The following IGF1R variants were observed in gnomAD, a reference collection of about 807,000 sequenced individuals.
The protein encoded by IGF1R is insulin-like growth factor 1 receptor.
IGF1R carries 44 observed loss-of-function variants against 144.6 expected under a neutral mutation model. The ratio of observed to expected loss-of-function variants is 0.30; its 90% confidence interval spans 0.24 to 0.39. The LOEUF is 0.39. IGF1R is among the 10% of genes least tolerant of loss of function. The pLI is 1.00. For synonymous variants in IGF1R, 795 were observed against 722.8 expected (o/e 1.10, Z -1.60); for missense variants, 1,355 against 1,833.7 (o/e 0.74, Z 4.77).
At chr15:98,722,677 G>A (rs968791743) in intron 2 of IGF1R, among the ~76,000 whole-genome samples, 2 of 152,194 alleles carry the variant, frequency 1.3e-5, no homozygotes, top group Admixed American at 1.3e-4. Flanking sequence ...TCTGATGGAT[G>A]AGGTAGGAGT....
intron 19 of IGF1R, among the ~76,000 whole-genome samples, chr15:98,946,838 G>T (rs1309676928): frequency 6.6e-6 from 1 of 152,266 alleles, no homozygotes; most frequent in African/African-American, 2.4e-5. Flanking sequence ...GGCACGTGGG[G>T]CAAGAGGAGA....
At position 98,720,887 on chromosome 15, in the gene IGF1R, C is replaced by A. The variant is rs75650666; in HGVS notation, c.640+12780C>A. 4.4e-3 allele frequency among the ~76,000 whole-genome samples: 674 copies of A among 152,258 alleles called. 5 individuals carry two copies. The highest frequency in any genetic ancestry group is 0.014 in the African/African-American group (577 of 41,554). On this transcript the variant is annotated intron_variant, in intron 2 of 20. Transcript: ENST00000650285. The stretch of plus-strand genomic sequence containing the variant: ...TCCCTCATCCAGAATCTGAGCAGCC[C>A]GATAGCCAAGCAGGAGTTTCCTTGT...
At position 98,750,170 on chromosome 15, in the gene IGF1R, G is replaced by A. The variant is rs940736014; in HGVS notation, c.640+42063G>A. On this transcript the variant is annotated intron_variant, in intron 2 of 20. Coordinates refer to ENST00000650285, the MANE Select transcript of IGF1R (RefSeq NM_000875.5). ...GTATATAGAGCATCTGGAAGTCTAA[G>A]GTGCAGGCAGGACTGAAAGAGCTGA... 5.3e-5 allele frequency among the ~76,000 whole-genome samples: 8 copies of A among 152,158 alleles called. No homozygotes were observed. The East Asian group carries it at 7.7e-4, about 15-fold the overall frequency.
At chr15:98,900,180 G>T (rs2151657974) in intron 5 of IGF1R, among the ~76,000 whole-genome samples, 1 of 152,366 alleles carries the variant, frequency 6.6e-6, no homozygotes, top group East Asian at 1.9e-4. Context: ...GCACAGGCCT[G>T]CTTTGTGATA....
chr15:98,758,874 C>T (rs2055223647), intron 2 of IGF1R, among the ~76,000 whole-genome samples: 1 of 152,150 alleles, frequency 6.6e-6, no homozygotes, highest in Admixed American at 6.5e-5. Flanking sequence ...TATTTGTGTA[C>T]ATTTTTCTTT....
At chr15:98,883,287 T>C (rs1459660592) in intron 2 of IGF1R, among the ~76,000 whole-genome samples, 1 of 152,248 alleles carries the variant, frequency 6.6e-6, no homozygotes, top group Non-Finnish European at 1.5e-5. Flanking sequence ...CTGGAATCTC[T>C]AGGCAGTGGC....
At position 98,899,358 on chromosome 15, in the gene IGF1R, C is replaced by G. The variant is rs954541176; in HGVS notation, c.1103-119C>G. 4.1e-6 allele frequency: 4 copies of G among 969,744 alleles called. No individual in the cohort carries two copies. In the African/African-American group the frequency reaches 6.4e-5, roughly 15 times the overall value. 60.1% of individuals were successfully genotyped at this position (969,744 alleles called of 1,614,324 possible). On this transcript the variant is annotated intron_variant, in intron 4 of 20. Transcript: ENST00000650285. ...TTGTCAGGGAGCAGCCAGTCCTGTGCTGGGAGCATCTCAGGGGGCACCTGC... is the reference window on the plus strand; with the variant it reads ...TTGTCAGGGAGCAGCCAGTCCTGTGGTGGGAGCATCTCAGGGGGCACCTGC...
intron 1 of IGF1R, among the ~76,000 whole-genome samples, chr15:98,658,253 C>T (rs2052529743): frequency 6.6e-6 from 1 of 152,208 alleles, no homozygotes; most frequent in Non-Finnish European, 1.5e-5. Context: ...TACTCTGCTA[C>T]TTCTCCTTCC....
chr15:98,877,725 A>C (rs1318817864), intron 2 of IGF1R, among the ~76,000 whole-genome samples: 1 of 152,156 alleles, frequency 6.6e-6, no homozygotes, highest in East Asian at 1.9e-4. Context: ...TTGCCTGTAC[A>C]GGTGTGCAGG....
chr15:98,653,435 TGAACA>T (rs1323250977), intron 1 of IGF1R, among the ~76,000 whole-genome samples: 47 of 152,368 alleles, frequency 3.1e-4, no homozygotes, highest in Admixed American at 2.7e-3. Context: ...GGACTGAGGA[TGAACA>T]GAACAGTTCA....
Position 98,963,791 on chromosome 15 carries a change from CAGAAA to C in IGF1R, c.*6354_*6358del, listed in dbSNP as rs2017320142. 4.3e-6 allele frequency: 1 copy of C among 232,786 alleles called. No individual in the cohort carries two copies. The highest frequency in any genetic ancestry group is 5.6e-5 in the Admixed American group (1 of 17,754). The allele number at this position is 232,786 out of a possible 1,614,324, so 14.4% of individuals were successfully genotyped here. ...ACCCCGAAGATACGTATTTCCAATACAGAAAAGAATTTTTAATAAAAACTATAACA... is the reference window on the plus strand; with the variant it reads ...ACCCCGAAGATACGTATTTCCAATACAGAATTTTTAATAAAAACTATAACA... On this transcript the variant is annotated 3_prime_UTR_variant, in exon 21 of 21. Transcript: ENST00000650285.
intron 2 of IGF1R, among the ~76,000 whole-genome samples, chr15:98,788,722 C>T (rs1442047008): frequency 6.6e-6 from 1 of 152,206 alleles, no homozygotes; most frequent in Non-Finnish European, 1.5e-5. Context: ...CTGTCCTAAT[C>T]CCTGTTCTGG....
At chr15:98,879,171 A>G (rs1193074028) in intron 2 of IGF1R, among the ~76,000 whole-genome samples, 2 of 152,186 alleles carry the variant, frequency 1.3e-5, no homozygotes, top group Non-Finnish European at 2.9e-5. Flanking sequence ...TTACCATTAT[A>G]ACTTATCTCT....
chr15:98,671,639 A>G (rs1472744265), intron 1 of IGF1R, among the ~76,000 whole-genome samples: 1 of 152,242 alleles, frequency 6.6e-6, no homozygotes, highest in African/African-American at 2.4e-5. Flanking sequence ...TCCTGGCTTC[A>G]GAGACTTGAC....
At chr15:98,838,385 A>G (rs1176074178) in intron 2 of IGF1R, among the ~76,000 whole-genome samples, 3 of 152,252 alleles carry the variant, frequency 2.0e-5, no homozygotes, top group Non-Finnish European at 4.4e-5. Flanking sequence ...CATTCCAGGC[A>G]TTACAATTGA....
At chr15:98,652,900 C>T (rs1419450481) in intron 1 of IGF1R, among the ~76,000 whole-genome samples, 6 of 148,064 alleles carry the variant, frequency 4.1e-5, no homozygotes, top group East Asian at 2.0e-4. Flanking sequence ...AAATCGGGGA[C>T]TTTAATGGTA....
At chr15:98,749,931 G>C (rs1009705079) in intron 2 of IGF1R, among the ~76,000 whole-genome samples, 1 of 149,426 alleles carries the variant, frequency 6.7e-6, no homozygotes, top group Non-Finnish European at 1.5e-5. Context: ...GTTCTACTTG[G>C]GTATTTTGTT....
At chr15:98,812,484 G>A (rs1372027265) in intron 2 of IGF1R, among the ~76,000 whole-genome samples, 1 of 151,762 alleles carries the variant, frequency 6.6e-6, no homozygotes, top group African/African-American at 2.4e-5. Flanking sequence ...AGCCTCCCCA[G>A]TAGCTGGGAT....
chr15:98,880,483 A>C (rs1218505790), intron 2 of IGF1R, among the ~76,000 whole-genome samples: 1 of 152,218 alleles, frequency 6.6e-6, no homozygotes, highest in Non-Finnish European at 1.5e-5. Context: ...TTGCTCATTA[A>C]TTAAGTGTTC....
Sources: allele counts gnomAD v4.1 joint callset (sites outside exome capture counted in the v4.1 genomes callset), GRCh38; gene constraint gnomAD v4.1.1; transcripts MANE v1.5; gene names NCBI Gene and HGNC (gene_info 2026-07-23, HGNC 2026-07-21).